LNX1: variants seen among roughly 807,000 people sequenced by gnomAD.
LNX1 encodes E3 ubiquitin-protein ligase LNX.
A neutral mutation model predicts 68.4 loss-of-function variants in LNX1; 54 were observed. The ratio of observed to expected loss-of-function variants is 0.79; its 90% CI spans 0.63 to 0.99. The LOEUF (loss-of-function observed/expected upper bound fraction) is 0.99. LNX1 is among the 50% of genes least tolerant of loss of function. LNX1 has a pLI of 0.00. For missense variants in LNX1, 906 were observed against 926.4 expected, an observed-to-expected ratio of 0.98 and a Z score of 0.29; for synonymous variants, 336 against 350.0, an observed-to-expected ratio of 0.96 and a Z score of 0.45.
chr4:53,613,618 T>G lies in LNX1; in HGVS notation c.-215+2899A>C, dbSNP rs370072303. Among the ~76,000 whole-genome samples, 57 of 152,330 alleles carry G rather than the reference T, an allele frequency of 3.7e-4. 3 individuals are homozygous for G. In the South Asian group the frequency reaches 0.011, roughly 29 times the overall value. On this transcript the variant is annotated intron_variant, in intron 2 of 3. Coordinates refer to the LNX1 transcript ENST00000504299. ...ATAATGGCCTCCAGCTCCACCCATA[T>G]TCCCACAAAAGACATGATCTAATTC...
intron 1 of LNX1, among the ~76,000 whole-genome samples, chr4:53,637,353 GA>G (rs776996424): frequency 6.6e-6 from 1 of 151,860 alleles, no homozygotes; most frequent in Non-Finnish European, 1.5e-5. Context: ...ACCACTGCTT[GA>G]AAAAAATCTA....
intron 9 of LNX1, among the ~76,000 whole-genome samples, chr4:53,471,361 T>C (rs1206392002): frequency 2.0e-5 from 3 of 152,020 alleles, no homozygotes; most frequent in Non-Finnish European, 2.9e-5. Context: ...TAAAGACTTA[T>C]ATGTGAGACC....
Position 53,461,485 on chromosome 4 carries a change from G to A in LNX1, c.2001C>T (p.Phe667=), listed in dbSNP as rs1560604670. 6.2e-7 allele frequency: 1 copy of A among 1,612,206 alleles called. No homozygotes were observed. Reference sequence around the variant, plus strand: ...GTGTTCCTTCAACAATGGATTTGATGAAAAAAGGTTTGTTTCCATTGTATT... The same window carrying A: ...GTGTTCCTTCAACAATGGATTTGATAAAAAAAGGTTTGTTTCCATTGTATT... ...YEEYNGNKPF[F]IKSIVEGTPA... is the part of the protein sequence containing the mutation. The change falls in exon 10 of 11, where the codon TTC becomes TTT. Residue 667 remains phenylalanine, a synonymous_variant. Coordinates refer to ENST00000263925, the MANE Select transcript of LNX1 (RefSeq NM_001126328.3).
At chr4:53,514,599 G>T (rs545104428) in intron 2 of LNX1, among the ~76,000 whole-genome samples, 1 of 152,242 alleles carries the variant, frequency 6.6e-6, no homozygotes, top group Non-Finnish European at 1.5e-5. Flanking sequence ...ATCTCCAACC[G>T]GGTCCCTCCC....
intron 2 of LNX1, chr4:53,539,273 C>T (rs1465694560): frequency 6.6e-6 from 1 of 152,268 alleles, no homozygotes; most frequent in South Asian, 2.1e-4. Flanking sequence ...GACCTTCTCA[C>T]TATAAAAAGA....
At chr4:53,521,056 G>C (rs764631927) in intron 2 of LNX1, among the ~76,000 whole-genome samples, 2 of 152,170 alleles carry the variant, frequency 1.3e-5, no homozygotes, top group Non-Finnish European at 2.9e-5. Context: ...ACTGGGCTAT[G>C]GATCAACGGT....
intron 2 of LNX1, among the ~76,000 whole-genome samples, chr4:53,529,120 C>CACAG (rs765952510): frequency 1.3e-5 from 2 of 151,766 alleles, no homozygotes; most frequent in Non-Finnish European, 2.9e-5. Context: ...CACACACACA[C>CACAG]ACACACACAC....
intron 2 of LNX1, among the ~76,000 whole-genome samples, chr4:53,567,722 G>C (rs1223203358): frequency 2.0e-5 from 3 of 151,966 alleles, no homozygotes; most frequent in Non-Finnish European, 1.5e-5. Context: ...TTTATTGAAA[G>C]GATCAACAAA....
At chr4:53,528,706 CA>C (rs745578749) in intron 2 of LNX1, among the ~76,000 whole-genome samples, 112 of 152,138 alleles carry the variant, frequency 7.4e-4, no homozygotes, top group Admixed American at 1.4e-3. Flanking sequence ...ATAGCCTAGA[CA>C]GCAACTAGTG....
chr4:53,577,603 TG>T (rs1328173347), intron 1 of LNX1, among the ~76,000 whole-genome samples: 7 of 152,130 alleles, frequency 4.6e-5, no homozygotes, highest in South Asian at 2.1e-4. Context: ...TTTTTAAAGA[TG>T]GGGTCATGCT....
intron 9 of LNX1, among the ~76,000 whole-genome samples, chr4:53,468,562 C>T (rs1375096753): frequency 5.3e-5 from 8 of 152,036 alleles, no homozygotes; most frequent in Non-Finnish European, 1.2e-4. Context: ...TGGATAAAGT[C>T]AAGACCCATC....
chr4:53,499,007 A>G (rs1042876052), intron 4 of LNX1, among the ~76,000 whole-genome samples, 164 bp from the exon 5 acceptor site: 3 of 152,056 alleles, frequency 2.0e-5, no homozygotes, highest in Admixed American at 2.0e-4. Flanking sequence ...TCTGCTTGGA[A>G]TGTTTTTCAT....
intron 1 of LNX1, among the ~76,000 whole-genome samples, chr4:53,586,710 C>T (rs1041403492): frequency 1.3e-5 from 2 of 152,194 alleles, no homozygotes; most frequent in East Asian, 1.9e-4. Flanking sequence ...AGGGCAAAGG[C>T]AAAGAGAACA....
chr4:53,470,325 T>C (rs374284310), intron 9 of LNX1, among the ~76,000 whole-genome samples: 1 of 152,204 alleles, frequency 6.6e-6, no homozygotes, highest in Non-Finnish European at 1.5e-5. Flanking sequence ...AATTAGGTAT[T>C]GATGGGACGT....
chr4:53,531,498 C>T (rs1033690647), intron 2 of LNX1, among the ~76,000 whole-genome samples: 4 of 152,324 alleles, frequency 2.6e-5, no homozygotes, highest in Non-Finnish European at 5.9e-5. Context: ...CTGGATGAGA[C>T]ACACGGAAAT....
intron 1 of LNX1, among the ~76,000 whole-genome samples, chr4:53,585,981 G>C (rs1011556261): frequency 6.6e-6 from 1 of 152,090 alleles, no homozygotes; most frequent in Non-Finnish European, 1.5e-5. Context: ...TAGAAATAGG[G>C]AAAAATATTT....
At chr4:53,568,597 G>GGCACAAGACAGGGGA (rs1323181133) in intron 2 of LNX1, among the ~76,000 whole-genome samples, 5 of 150,632 alleles carry the variant, frequency 3.3e-5, no homozygotes, top group Non-Finnish European at 7.4e-5. Context: ...AAGACAGGGG[G>GGCACAAGACAGGGGA]GCACAAGACA....
intron 2 of LNX1, among the ~76,000 whole-genome samples, chr4:53,539,686 C>A (rs1424971481): frequency 1.3e-5 from 2 of 152,194 alleles, no homozygotes; most frequent in East Asian, 3.8e-4. Flanking sequence ...TGTTTAATGC[C>A]TGCTCTGATC....
intron 2 of LNX1, among the ~76,000 whole-genome samples, chr4:53,541,967 C>T (rs768878942): frequency 6.6e-6 from 1 of 152,108 alleles, no homozygotes; most frequent in Non-Finnish European, 1.5e-5. Context: ...ATCAGCTGCT[C>T]CAGATGACAC....
Sources: allele counts gnomAD v4.1 joint callset (sites outside exome capture counted in the v4.1 genomes callset), GRCh38; gene constraint gnomAD v4.1.1; transcripts MANE v1.5; gene names NCBI Gene and HGNC (gene_info 2026-07-23, HGNC 2026-07-21).